Variants in AARSD1 observed in about 807,000 individuals in gnomAD.
AARSD1 encodes the protein alanyl-tRNA synthetase domain containing 1.
AARSD1 carries 44 observed loss-of-function variants against 48.7 expected under a neutral mutation model. The observed-to-expected ratio is 0.90, with a 90% CI of 0.71 to 1.16. The LOEUF is 1.16. Ranked by LOEUF, AARSD1 falls within the 50% of genes most tolerant of loss-of-function variation. AARSD1 has a pLI of 0.00. For synonymous variants in AARSD1, 189 were observed against 194.9 expected (o/e 0.97, Z 0.25); for missense variants, 511 against 523.1 (o/e 0.98, Z 0.23).
chr17:42,963,702 CA>C (rs1290501474), intron 2 of AARSD1, among the ~76,000 whole-genome samples: 11 of 152,100 alleles, frequency 7.2e-5, no homozygotes, highest in Admixed American at 7.2e-4. Flanking sequence ...CTCTGCCCCC[CA>C]GCACCACTAG....
rs1451464356 is a variant in AARSD1 at position 42,956,285 on chromosome 17, C to T, written c.582G>A (p.Gly194=). The part of the protein sequence containing the change: ...SGRGLPDDHA[G]PIRVVNIEGV... ...CCTCGATGTTAACAACCCGAATGGGCCCAGCATGATCATCAGGCAAACCCC... is the reference window on the plus strand; with the variant it reads ...CCTCGATGTTAACAACCCGAATGGGTCCAGCATGATCATCAGGCAAACCCC... The change falls in exon 6 of 12, where the codon GGG becomes GGA. Residue 194 remains glycine (G), a synonymous_variant. Coordinates refer to ENST00000427569, the MANE Select transcript of AARSD1 (RefSeq NM_001261434.2). 2 of 1,614,094 alleles carry T rather than the reference C, an allele frequency of 1.2e-6. No homozygotes were observed. The highest frequency in any genetic ancestry group is 2.2e-5 in the East Asian group (1 of 44,878).
chr17:42,961,606 A>C (rs937430566), intron 2 of AARSD1, among the ~76,000 whole-genome samples: 5 of 152,220 alleles, frequency 3.3e-5, no homozygotes, highest in African/African-American at 9.6e-5. Flanking sequence ...AATTTTAGTA[A>C]AACCCGAAGA....
At chr17:42,958,965 G>A (rs1223084256) in intron 3 of AARSD1, among the ~76,000 whole-genome samples, 1 of 150,608 alleles carries the variant, frequency 6.6e-6, no homozygotes. Context: ...TTGGGAGGCC[G>A]AGGCGAGCAG....
At chr17:42,962,562 G>A (rs1284602569) in intron 2 of AARSD1, among the ~76,000 whole-genome samples, 1 of 152,178 alleles carries the variant, frequency 6.6e-6, no homozygotes, top group Non-Finnish European at 1.5e-5. Flanking sequence ...CTTCCTGAAA[G>A]AAATGCTGTC....
intron 2 of AARSD1, among the ~76,000 whole-genome samples, chr17:42,961,645 G>C (rs2049639195): frequency 6.6e-6 from 1 of 152,120 alleles, no homozygotes; most frequent in African/African-American, 2.4e-5. Flanking sequence ...CCTTGCCTTA[G>C]TCTAGATTCT....
Position 42,961,322 on chromosome 17 carries a change from G to C in AARSD1, c.201C>G (p.Ile67Met), listed in dbSNP as rs1431355819. 1.9e-6 allele frequency: 3 copies of C among 1,614,144 alleles called. No individual in the cohort carries two copies. The South Asian group carries it at 3.3e-5, about 18-fold the overall frequency. ...CACGGCGAGTCACTCTCAGCACAGAGATGTCATTGATTGTACCACGGTCAT... is the reference window on the plus strand; with the variant it reads ...CACGGCGAGTCACTCTCAGCACAGACATGTCATTGATTGTACCACGGTCAT... ...QPDDRGTIND[I>M]SVLRVTRRGE... Residue 67 changes from isoleucine to methionine, a missense_variant, in exon 3 of 12, where the codon ATC (isoleucine) becomes ATG (methionine). Physicochemically the swap from Ile to Met is conservative, Grantham distance 10 (BLOSUM62 1). Coordinates refer to ENST00000427569, the MANE Select transcript of AARSD1 (RefSeq NM_001261434.2).
chr17:42,957,075 C>T lies in AARSD1; in HGVS notation c.389+63G>A, dbSNP rs187950072. 408 of 1,600,976 alleles carry T rather than the reference C, an allele frequency of 2.5e-4. 1 individual carries two copies. The African/African-American group carries it at 4.7e-3, about 18-fold the overall frequency. On this transcript the variant is annotated intron_variant, in intron 4 of 11. Coordinates refer to ENST00000427569, the MANE Select transcript of AARSD1 (RefSeq NM_001261434.2). The stretch of plus-strand genomic sequence containing the variant: ...TCCCCGGCTCAAGCAATTCTCCCAC[C>T]TCCGCCTCCCTCCCAGTGCTGGGAT...
intron 1 of AARSD1, 75 bp from the exon 2 acceptor site, chr17:42,964,312 G>C (rs1017866557): frequency 2.8e-5 from 45 of 1,606,260 alleles, no homozygotes; most frequent in Non-Finnish European, 3.7e-5. Flanking sequence ...AGGACAGAAT[G>C]CCATGTTGGC....
chr17:42,955,321 C>CCTGA, intron 7 of AARSD1, 97 bp from the exon 8 acceptor site: 3 of 1,473,396 alleles, frequency 2.0e-6, no homozygotes, highest in Non-Finnish European at 2.8e-6. Context: ...ATGGTGCCTC[C>CCTGA]CTGCAGTCAG....
At chr17:42,955,421 T>C in intron 7 of AARSD1, 197 bp from the exon 8 acceptor site, 1 of 547,036 alleles carries the variant, frequency 1.8e-6, no homozygotes, top group South Asian at 2.2e-5. Flanking sequence ...TGATTTACTA[T>C]CCAAAGCACT....
chr17:42,952,154 T>C, intron 10 of AARSD1: 1 of 468,816 alleles, frequency 2.1e-6, no homozygotes, highest in Non-Finnish European at 3.9e-6. Context: ...AAAATGCCTT[T>C]CATGGTTTCA....
intron 11 of AARSD1, among the ~76,000 whole-genome samples, chr17:42,950,985 C>T (rs1470642380): frequency 1.3e-5 from 2 of 151,382 alleles, no homozygotes; most frequent in East Asian, 2.0e-4. Context: ...AGGATGAAAC[C>T]CCGTCTCTAC....
chr17:42,953,639 G>A (rs921026507), intron 10 of AARSD1, 85 bp downstream of exon 10: 4 of 1,568,614 alleles, frequency 2.6e-6, no homozygotes, highest in Non-Finnish European at 3.5e-6. Flanking sequence ...TCATGTGGAG[G>A]GACTTTGGCT....
intron 3 of AARSD1, among the ~76,000 whole-genome samples, chr17:42,959,531 A>G (rs1296428686): frequency 6.6e-6 from 1 of 151,710 alleles, no homozygotes; most frequent in African/African-American, 2.4e-5. Context: ...AGCAGCCTAC[A>G]TTTATTTTCT....
chr17:42,962,128 C>T lies in AARSD1; in HGVS notation c.172-777G>A, dbSNP rs575944470. 84 of 189,984 alleles carry T rather than the reference C, an allele frequency of 4.4e-4. No homozygotes were observed. The South Asian group carries it at 4.8e-3, about 11-fold the overall frequency. 11.8% of individuals were successfully genotyped at this position (189,984 alleles called of 1,614,324 possible). A position where few individuals can be genotyped will look rare whatever the true frequency, so the allele number is the denominator to read the frequency against. Reference sequence around the variant, plus strand: ...CATCCTGGCCAACATGGTGAAACCCCGTCTCTACTAAAATACAAAAAATTA... The same window carrying T: ...CATCCTGGCCAACATGGTGAAACCCTGTCTCTACTAAAATACAAAAAATTA... On this transcript the variant is annotated intron_variant, in intron 2 of 11. Coordinates refer to ENST00000427569, the MANE Select transcript of AARSD1 (RefSeq NM_001261434.2).
At chr17:42,961,445 GGGCTCCCTAAGGGAGA>G (rs2151943335) in intron 2 of AARSD1, 94 bp from the exon 3 acceptor site, 1 of 1,574,210 alleles carries the variant, frequency 6.4e-7, no homozygotes, top group East Asian at 2.3e-5. Context: ...CCCAGAATCT[GGGCTCCCTAAGGGAGA>G]GGGAGAAAGC....
intron 10 of AARSD1, among the ~76,000 whole-genome samples, chr17:42,952,565 G>C (rs889176590): frequency 6.6e-6 from 1 of 152,098 alleles, no homozygotes; most frequent in East Asian, 1.9e-4. Context: ...AACTACTCAG[G>C]AGGCTGACGT....
chr17:42,961,354 G>A lies in AARSD1; in HGVS notation c.172-3C>T, dbSNP rs759841408. 1 of 1,613,866 alleles carries A rather than the reference G, an allele frequency of 6.2e-7. No homozygotes were observed. Among genetic ancestry groups the A allele is most frequent in the Non-Finnish European group, 8.5e-7 (1 of 1,179,928 alleles). ...TTGATTGTACCACGGTCATCAGGCT[G>A]GTGGAAATAAGTAAACGTAATCAAT... On this transcript the variant is annotated splice_region_variant and splice_polypyrimidine_tract_variant and intron_variant, in intron 2 of 11. Coordinates refer to ENST00000427569, the MANE Select transcript of AARSD1 (RefSeq NM_001261434.2).
At chr17:42,952,862 G>A (rs879263778) in intron 10 of AARSD1, among the ~76,000 whole-genome samples, 3 of 149,284 alleles carry the variant, frequency 2.0e-5, no homozygotes, top group Non-Finnish European at 4.4e-5. Context: ...TGCCCAGGCT[G>A]GAGTGCAGTG....
Sources: gnomAD v4.1 joint callset for allele counts (sites outside exome capture counted in the v4.1 genomes callset) on GRCh38, gnomAD v4.1.1 for gene constraint, MANE v1.5 for transcripts, NCBI Gene and HGNC (gene_info 2026-07-23, HGNC 2026-07-21) for gene names.